The following CBLB variants were observed in gnomAD, a reference collection of about 807,000 sequenced individuals.
CBLB encodes the protein E3 ubiquitin-protein ligase CBL-B.
Under a neutral mutation model 104.9 loss-of-function variants are expected in CBLB, and 31 were observed. The ratio of observed to expected loss-of-function variants is 0.30; its 90% CI spans 0.22 to 0.40. CBLB has a LOEUF of 0.40. Among genes scored for constraint, CBLB ranks in the 10% least tolerant of loss-of-function variants. The probability of loss-of-function intolerance (pLI) is 1.00; values close to 1 mark genes in which losing one functional copy is unlikely to be tolerated. For synonymous variants in CBLB, 440 were observed against 422.6 expected (o/e 1.04, Z -0.51); for missense variants, 1,062 against 1,214.6 (o/e 0.87, Z 1.87).
intron 9 of CBLB, among the ~76,000 whole-genome samples, chr3:105,724,612 G>T (rs940221678): frequency 6.6e-6 from 1 of 151,988 alleles, no homozygotes; most frequent in African/African-American, 2.4e-5. Flanking sequence ...AATATAATAA[G>T]AAAACTAAGG....
At chr3:105,819,333 G>A (rs1478652898) in intron 3 of CBLB, among the ~76,000 whole-genome samples, 4 of 151,624 alleles carry the variant, frequency 2.6e-5, no homozygotes, top group South Asian at 2.1e-4. Flanking sequence ...ATAAAAATGC[G>A]AAAATTAGCC....
chr3:105,709,182 AG>A (rs2070695673), intron 10 of CBLB, among the ~76,000 whole-genome samples: 1 of 152,142 alleles, frequency 6.6e-6, no homozygotes, highest in South Asian at 2.1e-4. Context: ...CCTTTAAAAA[AG>A]CAAACTTAAA....
intron 11 of CBLB, 94 bp downstream of exon 11, chr3:105,703,894 C>CA (rs944203834): frequency 1.2e-4 from 144 of 1,196,308 alleles, no homozygotes; most frequent in Middle Eastern, 2.3e-4. Flanking sequence ...CAATTAAAAG[C>CA]AAAAAAATAT....
chr3:105,810,521 C>T (rs964214109), intron 3 of CBLB, among the ~76,000 whole-genome samples: 7 of 151,860 alleles, frequency 4.6e-5, no homozygotes, highest in African/African-American at 1.2e-4. Context: ...AAGCATTTAG[C>T]GAAGAAATAG....
intron 16 of CBLB, chr3:105,680,842 C>T (rs1365824578): frequency 2.0e-5 from 3 of 152,480 alleles, no homozygotes; most frequent in South Asian, 2.1e-4. Flanking sequence ...GAGATGCTTC[C>T]TAATTAGAAT....
At chr3:105,688,284 T>C (rs2067248523) in intron 13 of CBLB, among the ~76,000 whole-genome samples, 1 of 152,066 alleles carries the variant, frequency 6.6e-6, no homozygotes, top group African/African-American at 2.4e-5. Flanking sequence ...CTGTTATTAC[T>C]GAGTTAATAC....
intron 3 of CBLB, among the ~76,000 whole-genome samples, chr3:105,824,838 C>T (rs865958116): frequency 2.0e-5 from 3 of 152,042 alleles, no homozygotes; most frequent in African/African-American, 7.2e-5. Flanking sequence ...GAGACCTCAT[C>T]ATTCCACCTT....
chr3:105,768,313 T>C (rs1008148843), intron 4 of CBLB, among the ~76,000 whole-genome samples: 2 of 152,110 alleles, frequency 1.3e-5, no homozygotes, highest in Non-Finnish European at 2.9e-5. Context: ...CCAGAGATTA[T>C]AAAAATCTTC....
chr3:105,778,995 C>A (rs564114958), intron 3 of CBLB, among the ~76,000 whole-genome samples: 1 of 152,100 alleles, frequency 6.6e-6, no homozygotes, highest in South Asian at 2.1e-4. Context: ...GAATTTATTT[C>A]TATAATTGGG....
chr3:105,867,032 G>A (rs1379034971), intron 2 of CBLB, among the ~76,000 whole-genome samples: 2 of 152,150 alleles, frequency 1.3e-5, no homozygotes, highest in Non-Finnish European at 2.9e-5. Context: ...ATTGTCATGA[G>A]TGGTCAAAGA....
chr3:105,743,909 A>C (rs2075861555), intron 6 of CBLB, among the ~76,000 whole-genome samples: 1 of 152,122 alleles, frequency 6.6e-6, no homozygotes, highest in South Asian at 2.1e-4. Context: ...AATTTAGTAG[A>C]AAAAATCATT....
At chr3:105,665,416 A>T (rs9846462) in intron 18 of CBLB, among the ~76,000 whole-genome samples, 47,860 of 92,846 alleles carry the variant, frequency 0.52, 11,560 homozygotes, top group South Asian at 0.6. Context: ...TAAATAAATA[A>T]ATATATATAT....
chr3:105,759,924 A>G (rs1330582906), intron 4 of CBLB, among the ~76,000 whole-genome samples: 1 of 152,206 alleles, frequency 6.6e-6, no homozygotes, highest in Non-Finnish European at 1.5e-5. Context: ...CCCCTACTGC[A>G]GCATCTTTGC....
intron 3 of CBLB, among the ~76,000 whole-genome samples, chr3:105,831,384 G>A (rs1302994635): frequency 1.3e-5 from 2 of 152,206 alleles, no homozygotes; most frequent in Non-Finnish European, 2.9e-5. Context: ...ATCTCCAGGT[G>A]GGCTCAGACC....
chr3:105,713,227 T>C (rs1489629383), intron 10 of CBLB, among the ~76,000 whole-genome samples: 1 of 152,074 alleles, frequency 6.6e-6, no homozygotes, highest in Non-Finnish European at 1.5e-5. Context: ...CAGAGTTTTA[T>C]GGACCAAGTA....
At chr3:105,853,351 A>C in intron 3 of CBLB, 63 bp downstream of exon 3, 1 of 1,546,676 alleles carries the variant, frequency 6.5e-7, no homozygotes. Flanking sequence ...GTTTAGGTTA[A>C]CTATTAAGTA....
chr3:105,769,436 C>T (rs1354624119), intron 4 of CBLB, among the ~76,000 whole-genome samples: 1 of 152,182 alleles, frequency 6.6e-6, no homozygotes, highest in Non-Finnish European at 1.5e-5. Flanking sequence ...TTGGAAACCT[C>T]TCAATTGAGA....
intron 13 of CBLB, among the ~76,000 whole-genome samples, chr3:105,687,985 A>G (rs551172620): frequency 6.6e-6 from 1 of 152,172 alleles, no homozygotes; most frequent in East Asian, 1.9e-4. Flanking sequence ...CATTCAAAAA[A>G]CAGGTTTAAT....
At chr3:105,829,666 CA>C (rs71627689) in intron 3 of CBLB, among the ~76,000 whole-genome samples, 186 of 46,978 alleles carry the variant, frequency 4.0e-3, no homozygotes, top group Non-Finnish European at 5.1e-3. Context: ...AAGACCGTCC[CA>C]AAAAAAAAAA....
Sources: allele counts gnomAD v4.1 joint callset (sites outside exome capture counted in the v4.1 genomes callset), GRCh38; gene constraint gnomAD v4.1.1; transcripts MANE v1.5; gene names NCBI Gene and HGNC (gene_info 2026-07-23, HGNC 2026-07-21).